Variants in SETD2 observed in about 807,000 individuals in gnomAD.
The protein encoded by SETD2 is histone-lysine N-methyltransferase SETD2.
In SETD2, 31 loss-of-function variants were observed where a neutral mutation model predicts 242.1. That is an observed-to-expected ratio of 0.13 (90% CI 0.10 to 0.17). The LOEUF is 0.17. Ranked by LOEUF, SETD2 falls within the 10% of genes least tolerant of loss-of-function variation. The pLI, the probability that SETD2 is intolerant of heterozygous loss-of-function variation, is 1.00. For missense variants in SETD2, 2,481 were observed against 3,046.3 expected (o/e 0.81, Z 4.37); for synonymous variants, 1,006 against 1,066.5 (o/e 0.94, Z 1.11).
chr3:47,077,515 G>A (rs1320962151), intron 12 of SETD2, among the ~76,000 whole-genome samples: 1 of 152,070 alleles, frequency 6.6e-6, no homozygotes, highest in South Asian at 2.1e-4. Flanking sequence ...TTCAAAGGAG[G>A]GTATGGTGTC....
At chr3:47,152,830 T>C (rs1374824100) in intron 1 of SETD2, among the ~76,000 whole-genome samples, 2 of 152,198 alleles carry the variant, frequency 1.3e-5, no homozygotes, top group East Asian at 3.8e-4. Context: ...CCCAGAAGCC[T>C]GCCAGCACAA....
rs1304675281 is a variant in SETD2 at position 47,164,065 on chromosome 3, C to T, written c.-141G>A. ...GCGGCAGGGGCGGCCCGCGTCGCTA[C>T]CTCGCTCGTCGCTCCCTCCCTCCCT... On this transcript the variant is annotated 5_prime_UTR_variant, in exon 1 of 21. Transcript: ENST00000409792. This position sits in a 1 kb window ranked among gnomAD's most constrained non-coding sequence, Gnocchi z 5.4. The T allele has an allele frequency of 5.8e-6, 7 of 1,201,222 alleles. No homozygotes were observed. In the East Asian group the frequency reaches 2.4e-4, roughly 41 times the overall value. 74.4% of individuals were successfully genotyped at this position (1,201,222 alleles called of 1,614,324 possible).
intron 17 of SETD2, chr3:47,041,499 A>G (rs1446987308): frequency 3.9e-6 from 1 of 253,634 alleles, no homozygotes; most frequent in African/African-American, 2.3e-5. Flanking sequence ...AAAAAAAGAA[A>G]AAAAAAATTT....
chr3:47,120,983 T>C lies in SETD2; in HGVS notation c.3653A>G (p.Gln1218Arg), dbSNP rs2043058316. 1 of 1,614,128 alleles carries C rather than the reference T, an allele frequency of 6.2e-7. No homozygotes were observed. The highest frequency in any genetic ancestry group is 1.3e-5 in the African/African-American group (1 of 74,946). ...DFEDVPNKSW[Q>R]QTTFQNRPDS... ...TGGCCTGTTTTGGAAAGTGGTCTGT[T>C]GCCAAGACTTATTTGGGACATCTTC... Residue 1218 changes from glutamine to arginine, a missense_variant, in exon 3 of 21, where the codon CAA (glutamine) becomes CGA (arginine). Coordinates refer to ENST00000409792, the MANE Select transcript of SETD2 (RefSeq NM_014159.7).
chr3:47,067,005 T>C, intron 13 of SETD2, 65 bp downstream of exon 13: 1 of 1,181,576 alleles, frequency 8.5e-7, no homozygotes. Flanking sequence ...TCTTATCAGT[T>C]ACCTCTGCAC....
chr3:47,028,367 T>C (rs905979883), intron 18 of SETD2, among the ~76,000 whole-genome samples: 3 of 152,166 alleles, frequency 2.0e-5, no homozygotes, highest in Admixed American at 6.5e-5. Context: ...CTAACAATTC[T>C]CAGAGCTCAC....
At chr3:47,100,825 A>G (rs1454162749) in intron 8 of SETD2, among the ~76,000 whole-genome samples, 1 of 151,496 alleles carries the variant, frequency 6.6e-6, no homozygotes, top group African/African-American at 2.4e-5. Context: ...CCTGGCTAAC[A>G]CGGTGAAACC....
intron 1 of SETD2, among the ~76,000 whole-genome samples, chr3:47,137,919 C>T (rs1052521318): frequency 6.6e-6 from 1 of 151,984 alleles, no homozygotes; most frequent in African/African-American, 2.4e-5. Context: ...GAACTCCTGA[C>T]CTCAGGTGAT....
At chr3:47,048,408 G>C (rs574755669) in intron 15 of SETD2, among the ~76,000 whole-genome samples, 1 of 151,986 alleles carries the variant, frequency 6.6e-6, no homozygotes, top group South Asian at 2.1e-4. Flanking sequence ...AAATTTAAAT[G>C]GTACACCTGT....
intron 18 of SETD2, among the ~76,000 whole-genome samples, chr3:47,030,854 G>C (rs2038732240): frequency 6.6e-6 from 1 of 152,138 alleles, no homozygotes; most frequent in Non-Finnish European, 1.5e-5. Flanking sequence ...AAGCAACCAA[G>C]ATGTCCTTCA....
intron 14 of SETD2, among the ~76,000 whole-genome samples, chr3:47,058,811 T>C (rs995508083): frequency 4.6e-5 from 7 of 151,948 alleles, no homozygotes; most frequent in Non-Finnish European, 8.8e-5. Flanking sequence ...TTTTTTTTTT[T>C]TGAGATGGAG....
chr3:47,069,430 C>T (rs1268412570), intron 12 of SETD2, among the ~76,000 whole-genome samples: 2 of 152,194 alleles, frequency 1.3e-5, no homozygotes, highest in African/African-American at 2.4e-5. Context: ...ACCCAAGAAG[C>T]GTTCATGGAA....
At chr3:47,104,922 C>T (rs1409274533) in intron 6 of SETD2, among the ~76,000 whole-genome samples, 1 of 152,160 alleles carries the variant, frequency 6.6e-6, no homozygotes, top group Non-Finnish European at 1.5e-5. Flanking sequence ...CATGCAAAAC[C>T]ATGCCCGGTT....
At chr3:47,094,117 C>T (rs2041914281) in intron 9 of SETD2, among the ~76,000 whole-genome samples, 1 of 152,102 alleles carries the variant, frequency 6.6e-6, no homozygotes, top group African/African-American at 2.4e-5. Context: ...CTCTTTATTA[C>T]ATAAATTATT....
intron 18 of SETD2, among the ~76,000 whole-genome samples, chr3:47,026,182 C>T (rs1448281257): frequency 6.6e-6 from 1 of 152,150 alleles, no homozygotes; most frequent in Admixed American, 6.5e-5. Flanking sequence ...GATATTTATG[C>T]AGCCAACAAA....
At chr3:47,110,779 T>TA (rs1023502012) in intron 5 of SETD2, among the ~76,000 whole-genome samples, 59 of 152,240 alleles carry the variant, frequency 3.9e-4, no homozygotes, top group African/African-American at 1.4e-3. Context: ...CATTAAGTCC[T>TA]AGTATATTTT....
rs751178367 is a variant in SETD2 at position 47,046,550 on chromosome 3, C to A, written c.7035G>T (p.Val2345=). 13 of 1,613,274 alleles carry A rather than the reference C, an allele frequency of 8.1e-6. No individual in the cohort carries two copies. Among genetic ancestry groups the A allele is most frequent in the Non-Finnish European group, 8.5e-6 (10 of 1,179,492 alleles). Residue 2345 remains valine, a synonymous_variant, in exon 16 of 21, where the codon GTG becomes GTT. Coordinates refer to ENST00000409792, the MANE Select transcript of SETD2 (RefSeq NM_014159.7). Reference sequence around the variant, plus strand: ...TAGTCACTGCTGCGGCTGGCTGTACCACCACTCCTTGTGGATGAGCTGTGA... The same window carrying A: ...TAGTCACTGCTGCGGCTGGCTGTACAACCACTCCTTGTGGATGAGCTGTGA... ...QIFTAHPQGV[V]VQPAAAVTTI...
chr3:47,046,514 T>G lies in SETD2; in HGVS notation c.7071A>C (p.Ala2357=), dbSNP rs140288461. ...GCTGCAAGGGCTGAGGCTGCCCTGG[T>G]GCAACTATTGTAGTCACTGCTGCGG... ...QPAAAVTTIV[A]PGQPQPLQPS... Residue 2357 remains alanine (A), a synonymous_variant, in exon 16 of 21, where the codon GCA becomes GCC. Transcript: ENST00000409792. The G allele has an allele frequency of 6.2e-7, 1 of 1,608,510 alleles. No homozygotes were observed. The highest frequency in any genetic ancestry group is 8.5e-7 in the Non-Finnish European group (1 of 1,176,940).
chr3:47,027,983 T>C (rs1037065549), intron 18 of SETD2, among the ~76,000 whole-genome samples: 6 of 151,962 alleles, frequency 3.9e-5, no homozygotes, highest in South Asian at 2.1e-4. Flanking sequence ...TTTAGTAGAA[T>C]TGGGGTTTCA....
Sources: gnomAD v4.1 joint callset for allele counts (sites outside exome capture counted in the v4.1 genomes callset) on GRCh38, gnomAD v4.1.1 for gene constraint, Gnocchi (gnomAD v3.1) non-coding constraint, MANE v1.5 for transcripts, NCBI Gene and HGNC (gene_info 2026-07-23, HGNC 2026-07-21) for gene names.